The following CAD variants were observed in gnomAD, a reference collection of about 807,000 sequenced individuals.
The protein encoded by CAD is multifunctional protein CAD.
Under a neutral mutation model 237.2 loss-of-function variants are expected in CAD, and 81 were observed. The ratio of observed to expected loss-of-function variants is 0.34; its 90% CI spans 0.29 to 0.41. The LOEUF is 0.41. Among genes scored for constraint, CAD ranks in the 10% least tolerant of loss-of-function variants. CAD has a pLI of 1.00. For synonymous variants in CAD, 1,196 were observed against 1,162.8 expected (o/e 1.03, Z -0.58); for missense variants, 2,181 against 2,951.7 (o/e 0.74, Z 6.05).
Position 27,224,485 on chromosome 2 carries a change from T to G in CAD, c.1249T>G (p.Ser417Ala), listed in dbSNP as rs1441125951. The part of the protein sequence containing the change: ...GQAGEFDYSG[S>A]QAIKALKEEN... ...AGCTGGAGAATTTGACTACTCGGGCTCTCAGGTGAGGCATGTTCCTCCCCA... is the reference window on the plus strand; with the variant it reads ...AGCTGGAGAATTTGACTACTCGGGCGCTCAGGTGAGGCATGTTCCTCCCCA... Residue 417 changes from serine to alanine, a missense_variant, in exon 9 of 44, where the codon TCT (serine) becomes GCT (alanine). Ser to Ala is a moderately conservative substitution (Grantham distance 99, BLOSUM62 1). Around this residue, in one of 12 missense-constraint regions of CAD, gnomAD observed 174 missense variants for 215.8 expected, o/e 0.81. Coordinates refer to ENST00000264705, the MANE Select transcript of CAD (RefSeq NM_004341.5). 1 of 1,614,006 alleles carries G rather than the reference T, an allele frequency of 6.2e-7. No individual in the cohort carries two copies.
rs1675837610 is a variant in CAD at position 27,233,101 on chromosome 2, C to T, written c.2952C>T (p.Asp984=). The T allele has an allele frequency of 1.2e-6, 2 of 1,612,664 alleles. No homozygotes were observed. The highest frequency in any genetic ancestry group is 1.1e-5 in the South Asian group (1 of 91,058). Residue 984 remains aspartate, a synonymous_variant, in exon 19 of 44, where the codon GAC becomes GAT. Transcript: ENST00000264705. This position sits in a 1 kb window ranked among gnomAD's most constrained non-coding sequence, Gnocchi z 6.3. The part of the protein sequence containing the change: ...YNPETVSTDY[D]MCDRLYFDEI... ...CAGAGACAGTCAGCACCGACTATGA[C>T]ATGTGTGATCGACTCTACTTTGATG...
chr2:27,241,166 C>T lies in CAD; in HGVS notation c.5747C>T (p.Pro1916Leu). ...GGCTTGCTGCACCCCCAGACCTCACCCCTGCTGCACTCATTAGTGGGCCAA... is the reference window on the plus strand; with the variant it reads ...GGCTTGCTGCACCCCCAGACCTCACTCCTGCTGCACTCATTAGTGGGCCAA... Reference protein sequence around the residue: ...TPGLLHPQTSPLLHSLVGQHI... With the variant: ...TPGLLHPQTSLLLHSLVGQHI... The change falls in exon 37 of 44, where the codon CCC becomes CTC. Residue 1916 changes from proline to leucine, a missense_variant. Pro to Leu is a moderately conservative substitution (Grantham distance 98). Coordinates refer to ENST00000264705, the MANE Select transcript of CAD (RefSeq NM_004341.5). This position sits in a 1 kb window ranked among gnomAD's most constrained non-coding sequence, Gnocchi z 4.6. 6.2e-7 allele frequency: 1 copy of T among 1,612,904 alleles called. No homozygotes were observed. Among genetic ancestry groups the T allele is most frequent in the East Asian group, 2.2e-5 (1 of 44,864 alleles).
chr2:27,237,647 G>C lies in CAD; in HGVS notation c.4564-71G>C. ...CCTTCTGCCCCGCCCTATGGGCCCA[G>C]GCCACTGGTGCCAGGCTAGCCTGTG... On this transcript the variant is annotated intron_variant, in intron 28 of 43. Coordinates refer to ENST00000264705, the MANE Select transcript of CAD (RefSeq NM_004341.5). The surrounding 1 kb of genome is among the most constrained non-coding windows in gnomAD (Gnocchi z 4.0). The C allele has an allele frequency of 6.3e-7, 1 of 1,575,116 alleles. No homozygotes were observed. Among genetic ancestry groups the C allele is most frequent in the Non-Finnish European group, 8.6e-7 (1 of 1,158,208 alleles).
At position 27,240,482 on chromosome 2, in the gene CAD, C is replaced by G; in HGVS notation, c.5593+121C>G. 1 of 1,481,476 alleles carries G rather than the reference C, an allele frequency of 6.8e-7. No individual in the cohort carries two copies. Among genetic ancestry groups the G allele is most frequent in the Non-Finnish European group, 9.3e-7 (1 of 1,073,500 alleles). 91.8% of individuals were successfully genotyped at this position (1,481,476 alleles called of 1,614,324 possible). A position where few individuals can be genotyped will look rare whatever the true frequency, so the allele number is the denominator to read the frequency against. On this transcript the variant is annotated intron_variant, in intron 35 of 43. Transcript: ENST00000264705. The surrounding 1 kb of genome is among the most constrained non-coding windows in gnomAD (Gnocchi z 4.6). ...CATCCCTTTATCCTCGTCTGATCTG[C>G]CGTGCCATCCTTTGCCTAAACAAGT...
chr2:27,236,676 TG>T lies in CAD; in HGVS notation c.4315-70del. On this transcript the variant is annotated intron_variant, in intron 26 of 43. Transcript: ENST00000264705. This position sits in a 1 kb window ranked among gnomAD's most constrained non-coding sequence, Gnocchi z 4.1. Reference sequence around the variant, plus strand: ...TATAGAGTGTGCAGAGCCTGGTTTATGGGAAAACCACATCTCTCCCTACAAC... The same window carrying T: ...TATAGAGTGTGCAGAGCCTGGTTTATGGAAAACCACATCTCTCCCTACAAC... 6.4e-7 allele frequency: 1 copy of T among 1,562,080 alleles called. No homozygotes were observed. Among genetic ancestry groups the T allele is most frequent in the South Asian group, 1.1e-5 (1 of 89,978 alleles).
Position 27,235,738 on chromosome 2 carries a change from A to G in CAD, c.4074+98A>G, listed in dbSNP as rs75314245. The G allele has an allele frequency of 0.051, 49,121 of 967,284 alleles. 1,545 individuals are homozygous for G. Among genetic ancestry groups the G allele is most frequent in the African/African-American group, 0.11 (6,692 of 61,810 alleles). 59.9% of individuals were successfully genotyped at this position (967,284 alleles called of 1,614,324 possible). ...ATCTGGGCTGGGCACGGTGGCATAT[A>G]CCTGTAGTCCCAGATACTCAGGAGG... On this transcript the variant is annotated intron_variant, in intron 25 of 43. Coordinates refer to ENST00000264705, the MANE Select transcript of CAD (RefSeq NM_004341.5). This position sits in a 1 kb window ranked among gnomAD's most constrained non-coding sequence, Gnocchi z 5.2.
chr2:27,225,252 G>A lies in CAD; in HGVS notation c.1620+9G>A. 6.5e-7 allele frequency: 1 copy of A among 1,540,076 alleles called. No homozygotes were observed. Among genetic ancestry groups the A allele is most frequent in the Non-Finnish European group, 9.0e-7 (1 of 1,114,866 alleles). On this transcript the variant is annotated intron_variant, in intron 11 of 43. Coordinates refer to ENST00000264705, the MANE Select transcript of CAD (RefSeq NM_004341.5). ...CAAATTCTCTTGAACAGGTTGGAGG[G>A]GTGTTTGGGTAAAGGAAGAATGGTG...
At position 27,217,491 on chromosome 2, in the gene CAD, A is replaced by G; in HGVS notation, c.-61A>G. 3 of 1,382,796 alleles carry G rather than the reference A, an allele frequency of 2.2e-6. No homozygotes were observed. Among genetic ancestry groups the G allele is most frequent in the Non-Finnish European group, 3.0e-6 (3 of 991,906 alleles). The allele number at this position is 1,382,796 out of a possible 1,614,324, so 85.7% of individuals were successfully genotyped here. A position where few individuals can be genotyped will look rare whatever the true frequency, so the allele number is the denominator to read the frequency against. ...CGGCGCGCCGTCCTCACGTGGTTCC[A>G]GTGGAGTTTGCAGTCCTTCCCGCTT... On this transcript the variant is annotated 5_prime_UTR_variant, in exon 1 of 44. Coordinates refer to ENST00000264705, the MANE Select transcript of CAD (RefSeq NM_004341.5).
At chr2:27,219,349 T>G (rs539725740) in intron 2 of CAD, among the ~76,000 whole-genome samples, 5 of 103,746 alleles carry the variant, frequency 4.8e-5, no homozygotes, top group South Asian at 2.4e-4. Context: ...ATGGTTTTTG[T>G]TTTTTTTTTG....
chr2:27,221,753 ATTTTTT>A (rs57429918), intron 3 of CAD, among the ~76,000 whole-genome samples: 2,161 of 103,506 alleles, frequency 0.021, 29 homozygotes, highest in African/African-American at 0.057. Flanking sequence ...AAATTTCCCA[ATTTTTT>A]TTTTTTTTTT....
Position 27,234,151 on chromosome 2 carries a change from G to A in CAD, c.3543G>A (p.Arg1181=). 6.2e-7 allele frequency: 1 copy of A among 1,614,226 alleles called. No homozygotes were observed. The highest frequency in any genetic ancestry group is 8.5e-7 in the Non-Finnish European group (1 of 1,180,034). The change falls in exon 22 of 44, where the codon CGG becomes CGA. Residue 1181 remains arginine, a synonymous_variant. Coordinates refer to ENST00000264705, the MANE Select transcript of CAD (RefSeq NM_004341.5). ...ATATCACTGCCAAAACCCTGGAGCG[G>A]ATCAAAGCCATTGTGCATGCTGTGG... ...PQDITAKTLE[R]IKAIVHAVGQ...
In CAD at chr2:27,224,162, AC is replaced by A. The variant is rs1400122131; in HGVS notation, c.1108+136del. On this transcript the variant is annotated intron_variant, in intron 8 of 43. Coordinates refer to ENST00000264705, the MANE Select transcript of CAD (RefSeq NM_004341.5). ...GGGTATTGGGGATGGGTGGCAACCA[AC>A]CCAAGATACCGTTTAAGCTTCTGTT... 4.5e-6 allele frequency: 4 copies of A among 897,070 alleles called. No individual in the cohort carries two copies. In the East Asian group the frequency reaches 9.9e-5, roughly 22 times the overall value. The allele number at this position is 897,070 out of a possible 1,614,324, so 55.6% of individuals were successfully genotyped here. A position where few individuals can be genotyped will look rare whatever the true frequency, so the allele number is the denominator to read the frequency against.
In CAD at chr2:27,222,948, A is replaced by C; in HGVS notation, c.720A>C (p.Leu240Phe). The C allele has an allele frequency of 6.2e-7, 1 of 1,614,162 alleles. No homozygotes were observed. Among genetic ancestry groups the C allele is most frequent in the Non-Finnish European group, 8.5e-7 (1 of 1,180,038 alleles). The change falls in exon 6 of 44, where the codon TTA becomes TTC. Residue 240 changes from leucine to phenylalanine, a missense_variant. By Grantham distance (22) the Leu-to-Phe change is conservative. Around this residue, in one of 12 missense-constraint regions of CAD, gnomAD observed 314 missense variants for 339.4 expected, o/e 0.93. Coordinates refer to ENST00000264705, the MANE Select transcript of CAD (RefSeq NM_004341.5). ...TCGTATCCACACTGAGCCGTGTTTTATCTGAGCCTAATCCCCGACCTGTCT... is the reference window on the plus strand; with the variant it reads ...TCGTATCCACACTGAGCCGTGTTTTCTCTGAGCCTAATCCCCGACCTGTCT... ...PSVVSTLSRV[L>F]SEPNPRPVFG...
chr2:27,217,785 G>T, intron 1 of CAD, 92 bp from the exon 2 acceptor site: 1 of 1,488,528 alleles, frequency 6.7e-7, no homozygotes, highest in South Asian at 1.3e-5. Context: ...AACCCCTCGC[G>T]ACCAAGGCAG....
rs1190300871 is a variant in CAD, at chr2:27,232,468, A to G, written c.2666A>G (p.Lys889Arg). The G allele has an allele frequency of 6.2e-7, 1 of 1,614,182 alleles. No individual in the cohort carries two copies. Among genetic ancestry groups the G allele is most frequent in the Non-Finnish European group, 8.5e-7 (1 of 1,180,036 alleles). Residue 889 changes from lysine to arginine, a missense_variant, in exon 18 of 44, where the codon AAG becomes AGG. Physicochemically the swap from Lys to Arg is conservative, Grantham distance 26. Coordinates refer to ENST00000264705, the MANE Select transcript of CAD (RefSeq NM_004341.5). The surrounding 1 kb of genome is among the most constrained non-coding windows in gnomAD (Gnocchi z 4.1). ...TTTAGCACAGAGCTGGCTGTTCGCA[A>G]GCTGCGTCAGGAACTGGGGATCTGT... ...AVLSTELAVR[K>R]LRQELGICPA...
Position 27,223,054 on chromosome 2 carries a change from G to A in CAD, c.809+17G>A. On this transcript the variant is annotated intron_variant, in intron 6 of 43. Transcript: ENST00000264705. ...CAAGATGAGGTGGGACTTGTGGGGA[G>A]CAGAAGGGGCCCATACTTGTGGCAT... is the stretch of plus-strand genomic sequence containing the variant. 1.2e-6 allele frequency: 2 copies of A among 1,613,424 alleles called. No individual in the cohort carries two copies. Among genetic ancestry groups the A allele is most frequent in the Non-Finnish European group, 1.7e-6 (2 of 1,179,558 alleles).
intron 2 of CAD, among the ~76,000 whole-genome samples, chr2:27,218,611 A>G (rs1180403547): frequency 6.6e-6 from 1 of 152,160 alleles, no homozygotes. Flanking sequence ...TTCTAGACCT[A>G]CTGACATGGC....
Position 27,233,451 on chromosome 2 carries a change from C to T in CAD, c.3131C>T (p.Ser1044Leu), listed in dbSNP as rs201710900. Reference protein sequence around the residue: ...VLGTSPEAIDSAENRFKFSRL... With the variant: ...VLGTSPEAIDLAENRFKFSRL... ...GGCACCTCCCCTGAAGCCATTGACT[C>T]GGCTGAGAACCGTTTCAAGTTTTCC... The change falls in exon 20 of 44, where the codon TCG becomes TTG. Residue 1044 changes from serine (S) to leucine (L), a missense_variant. Around this residue, in one of 12 missense-constraint regions of CAD, gnomAD observed 306 missense variants for 607.9 expected, o/e 0.50. Coordinates refer to ENST00000264705, the MANE Select transcript of CAD (RefSeq NM_004341.5). This position sits in a 1 kb window ranked among gnomAD's most constrained non-coding sequence, Gnocchi z 6.3. The T allele has an allele frequency of 8.1e-6, 13 of 1,614,116 alleles. No homozygotes were observed. Among genetic ancestry groups the T allele is most frequent in the Non-Finnish European group, 1.1e-5 (13 of 1,180,048 alleles).
chr2:27,217,386 C>G lies in CAD; in HGVS notation c.-166C>G. ...GCCGCCGCAGTCTCTGCTGCTGCCG[C>G]CAAGCGCGCCCGAGGCTCCTACGCT... On this transcript the variant is annotated 5_prime_UTR_variant, in exon 1 of 44. Coordinates refer to ENST00000264705, the MANE Select transcript of CAD (RefSeq NM_004341.5). 1.4e-5 allele frequency: 9 copies of G among 643,480 alleles called. No individual in the cohort carries two copies. The South Asian group carries it at 1.6e-4, about 11-fold the overall frequency. The allele number at this position is 643,480 out of a possible 1,614,324, so 39.9% of individuals were successfully genotyped here.
Sources: gnomAD v4.1 joint callset for allele counts (sites outside exome capture counted in the v4.1 genomes callset) on GRCh38, gnomAD v4.1.1 for gene constraint, gnomAD v4.1.1 regional missense constraint, Gnocchi (gnomAD v3.1) non-coding constraint, MANE v1.5 for transcripts, NCBI Gene and HGNC (gene_info 2026-07-23, HGNC 2026-07-21) for gene names.